The following ADK variants were observed in gnomAD, a reference collection of about 807,000 sequenced individuals.
ADK encodes N6,N6-dimethyladenosine kinase.
In ADK, 24 loss-of-function variants were observed where a neutral mutation model predicts 44.7. That is an observed-to-expected ratio of 0.54 (90% CI 0.39 to 0.76). The LOEUF is 0.76. ADK is among the 30% of genes least tolerant of loss of function. ADK has a pLI of 0.00. For missense variants in ADK, 321 were observed against 425.1 expected, an observed-to-expected ratio of 0.76 and a Z score of 2.15; for synonymous variants, 128 against 142.6, an observed-to-expected ratio of 0.90 and a Z score of 0.73.
intron 2 of ADK, among the ~76,000 whole-genome samples, chr10:74,221,963 A>G (rs924060500): frequency 2.0e-5 from 3 of 152,232 alleles, no homozygotes; most frequent in Admixed American, 6.5e-5. Context: ...AGGCATGGGC[A>G]AGGACTTCAT....
At chr10:74,389,900 A>G (rs1843277927) in intron 4 of ADK, among the ~76,000 whole-genome samples, 1 of 152,100 alleles carries the variant, frequency 6.6e-6, no homozygotes, top group Non-Finnish European at 1.5e-5. Flanking sequence ...CAGTGAGTTG[A>G]TATAGCTCTT....
At chr10:74,505,754 G>A (rs1251227318) in intron 6 of ADK, among the ~76,000 whole-genome samples, 2 of 151,888 alleles carry the variant, frequency 1.3e-5, no homozygotes, top group Non-Finnish European at 2.9e-5. Flanking sequence ...CCATAGCATT[G>A]ACAATCTTTT....
chr10:74,200,485 CAAAA>C (rs78504019), intron 1 of ADK, among the ~76,000 whole-genome samples: 10 of 93,966 alleles, frequency 1.1e-4, no homozygotes, highest in Non-Finnish European at 9.4e-5. Flanking sequence ...ACTCCGTGTC[CAAAA>C]AAAAAAAAAA....
intron 4 of ADK, among the ~76,000 whole-genome samples, chr10:74,362,309 G>T (rs1842360010): frequency 6.7e-6 from 1 of 149,970 alleles, no homozygotes; most frequent in South Asian, 2.1e-4. Flanking sequence ...TGAACTCACT[G>T]ATTCTTTTAT....
chr10:74,316,109 A>G (rs1298092112), intron 4 of ADK, among the ~76,000 whole-genome samples: 5 of 151,998 alleles, frequency 3.3e-5, no homozygotes, highest in Non-Finnish European at 7.4e-5. Context: ...GTGTGGTGGC[A>G]TATGTCTCTA....
chr10:74,359,276 T>A (rs1201148296), intron 4 of ADK, among the ~76,000 whole-genome samples: 1 of 152,194 alleles, frequency 6.6e-6, no homozygotes, highest in Non-Finnish European at 1.5e-5. Context: ...CTCTTTTTGC[T>A]CAGGATTATT....
At chr10:74,176,779 A>G in intron 1 of ADK, 1 of 1,582,918 alleles carries the variant, frequency 6.3e-7, no homozygotes, top group Non-Finnish European at 8.5e-7. Context: ...TGAGTGCCTG[A>G]GCCGGGAAGC....
intron 7 of ADK, among the ~76,000 whole-genome samples, chr10:74,566,900 C>G (rs2133836567): frequency 6.6e-6 from 1 of 152,258 alleles, no homozygotes; most frequent in Non-Finnish European, 1.5e-5. Flanking sequence ...TGACTTAGAC[C>G]AATTATTTCA....
chr10:74,569,494 T>C (rs1259050713), intron 7 of ADK, among the ~76,000 whole-genome samples: 2 of 152,210 alleles, frequency 1.3e-5, no homozygotes, highest in East Asian at 1.9e-4. Flanking sequence ...TGGTATCTCA[T>C]TGTGGTTTTG....
At chr10:74,509,272 A>G (rs1450523726) in intron 6 of ADK, 2 of 151,496 alleles carry the variant, frequency 1.3e-5, no homozygotes, top group Admixed American at 6.6e-5. Context: ...GCCTCACTGC[A>G]ACCTCCACCC....
intron 6 of ADK, among the ~76,000 whole-genome samples, chr10:74,501,560 A>G (rs917650583): frequency 2.0e-5 from 3 of 152,120 alleles, no homozygotes; most frequent in African/African-American, 7.2e-5. Flanking sequence ...TTTTTATGTT[A>G]TTTATGGCTT....
chr10:74,245,160 A>T (rs564575001), intron 3 of ADK, among the ~76,000 whole-genome samples: 2 of 152,328 alleles, frequency 1.3e-5, no homozygotes, highest in East Asian at 3.9e-4. Context: ...TTCTTCTGGA[A>T]GGGTACATGT....
At chr10:74,307,011 A>G (rs1002832863) in intron 3 of ADK, among the ~76,000 whole-genome samples, 7 of 151,832 alleles carry the variant, frequency 4.6e-5, no homozygotes, top group African/African-American at 1.7e-4. Flanking sequence ...TTTTCCCCCT[A>G]TTGCCCCCTT....
At chr10:74,618,971 ACTAGGT>A (rs1852876587) in intron 9 of ADK, among the ~76,000 whole-genome samples, 1 of 150,366 alleles carries the variant, frequency 6.7e-6, no homozygotes, top group Non-Finnish European at 1.5e-5. Context: ...TTATACATAT[ACTAGGT>A]CTTTTCATTG....
chr10:74,689,349 T>C (rs940711994), intron 10 of ADK, among the ~76,000 whole-genome samples: 1 of 152,166 alleles, frequency 6.6e-6, no homozygotes, highest in African/African-American at 2.4e-5. Flanking sequence ...ATAATAATTG[T>C]ACTAAGTAGT....
At chr10:74,466,751 A>G (rs1846371815) in intron 6 of ADK, among the ~76,000 whole-genome samples, 1 of 152,166 alleles carries the variant, frequency 6.6e-6, no homozygotes, top group East Asian at 1.9e-4. Flanking sequence ...ACTTAAGGCC[A>G]TTTTTAAAGG....
intron 9 of ADK, among the ~76,000 whole-genome samples, chr10:74,609,196 A>G (rs1852451419): frequency 6.6e-6 from 1 of 152,102 alleles, no homozygotes; most frequent in Admixed American, 6.5e-5. Flanking sequence ...GGATCCGCTG[A>G]GCTAGACCAC....
intron 1 of ADK, among the ~76,000 whole-genome samples, chr10:74,161,430 C>T (rs1459154514): frequency 1.3e-5 from 2 of 152,140 alleles, no homozygotes; most frequent in African/African-American, 2.4e-5. Flanking sequence ...AGTATGGTCT[C>T]GATCTCCTGA....
chr10:74,183,605 G>A (rs1031887663), intron 1 of ADK, among the ~76,000 whole-genome samples: 1 of 151,788 alleles, frequency 6.6e-6, no homozygotes, highest in East Asian at 2.0e-4. Context: ...CCACTTCCCA[G>A]GTTCAAGCAA....
Sources: allele counts gnomAD v4.1 joint callset (sites outside exome capture counted in the v4.1 genomes callset), GRCh38; gene constraint gnomAD v4.1.1; transcripts MANE v1.5; gene names NCBI Gene and HGNC (gene_info 2026-07-23, HGNC 2026-07-21).